The following CDH13 variants were observed in gnomAD, a reference collection of about 807,000 sequenced individuals.
CDH13 encodes cadherin 13, also known as cadherin-13.
A neutral mutation model predicts 63.8 loss-of-function variants in CDH13; 24 were observed. That is an observed-to-expected ratio of 0.38 (90% CI 0.27 to 0.53). CDH13 has a LOEUF of 0.53. Among genes scored for constraint, CDH13 ranks in the 20% least tolerant of loss-of-function variants. The probability of loss-of-function intolerance (pLI) is 0.85; values close to 1 mark genes in which losing one functional copy is unlikely to be tolerated. For synonymous variants in CDH13, 503 were observed against 355.3 expected (o/e 1.42, Z -4.67); for missense variants, 1,049 against 903.1 (o/e 1.16, Z -2.07).
intron 5 of CDH13, among the ~76,000 whole-genome samples, chr16:83,242,442 T>C (rs896073659): frequency 1.3e-5 from 2 of 152,210 alleles, no homozygotes; most frequent in Admixed American, 6.5e-5. Flanking sequence ...AAAGATTTTT[T>C]CCCCAAATTG....
intron 1 of CDH13, among the ~76,000 whole-genome samples, chr16:82,640,210 A>G (rs1909224869): frequency 6.6e-6 from 1 of 152,240 alleles, no homozygotes; most frequent in African/African-American, 2.4e-5. Flanking sequence ...CTCTTGGGAC[A>G]GAGGATTCTT....
intron 10 of CDH13, among the ~76,000 whole-genome samples, chr16:83,732,332 A>T (rs1911119987): frequency 6.6e-6 from 1 of 152,004 alleles, no homozygotes; most frequent in Non-Finnish European, 1.5e-5. Flanking sequence ...CCAAGGGGAG[A>T]GGTGAGGGGG....
intron 2 of CDH13, among the ~76,000 whole-genome samples, chr16:82,995,395 C>T (rs781397664): frequency 3.3e-5 from 5 of 152,296 alleles, no homozygotes; most frequent in Middle Eastern, 3.4e-3. Context: ...TTAATCCATG[C>T]CTTTGAAAGG....
chr16:82,709,340 T>C (rs2031739038), intron 1 of CDH13, among the ~76,000 whole-genome samples: 1 of 152,216 alleles, frequency 6.6e-6, no homozygotes, highest in Non-Finnish European at 1.5e-5. Flanking sequence ...ACAGGAATAA[T>C]TTTTAAGAAA....
At chr16:83,039,367 G>A (rs932064011) in intron 3 of CDH13, among the ~76,000 whole-genome samples, 1 of 152,130 alleles carries the variant, frequency 6.6e-6, no homozygotes, top group Admixed American at 6.5e-5. Context: ...TCATCTCTAA[G>A]TGGCTTGACC....
intron 1 of CDH13, among the ~76,000 whole-genome samples, chr16:82,628,167 A>G (rs572770120): frequency 6.6e-6 from 1 of 152,296 alleles, no homozygotes; most frequent in African/African-American, 2.4e-5. Flanking sequence ...GTGGTTTCGG[A>G]GAGCACCCCG....
intron 2 of CDH13, among the ~76,000 whole-genome samples, chr16:82,915,056 T>C (rs2041944648): frequency 1.3e-5 from 2 of 152,366 alleles, no homozygotes; most frequent in East Asian, 3.9e-4. Context: ...ATCAACTTAA[T>C]ATCCTGTTGC....
chr16:83,190,418 T>G (rs1428052833), intron 4 of CDH13, among the ~76,000 whole-genome samples: 1 of 152,218 alleles, frequency 6.6e-6, no homozygotes, highest in Non-Finnish European at 1.5e-5. Flanking sequence ...GCACTGGAGT[T>G]TCACTTAAAG....
intron 1 of CDH13, among the ~76,000 whole-genome samples, chr16:82,653,909 C>A (rs940916191): frequency 2.0e-5 from 3 of 152,006 alleles, no homozygotes; most frequent in African/African-American, 7.3e-5. Context: ...GGACAGATAC[C>A]ACAGAGATCA....
Position 82,644,681 on chromosome 16 carries a change from G to A in CDH13, c.45+17544G>A, listed in dbSNP as rs559690900. Among the ~76,000 whole-genome samples, 6 of 152,126 alleles carry A rather than the reference G, an allele frequency of 3.9e-5. No homozygotes were observed. The highest frequency in any genetic ancestry group is 8.8e-5 in the Non-Finnish European group (6 of 68,034). On this transcript the variant is annotated intron_variant, in intron 1 of 13. Coordinates refer to ENST00000567109, the MANE Select transcript of CDH13 (RefSeq NM_001257.5). This position sits in a 1 kb window ranked among gnomAD's most constrained non-coding sequence, Gnocchi z 5.7. ...GGGGCAGAAGTCAGGACTTGAACTGGCTCTGGCTGGGACCCAGGCTCCCAG... is the reference window on the plus strand; with the variant it reads ...GGGGCAGAAGTCAGGACTTGAACTGACTCTGGCTGGGACCCAGGCTCCCAG...
intron 2 of CDH13, among the ~76,000 whole-genome samples, chr16:82,996,887 G>A (rs999471066): frequency 6.6e-6 from 1 of 151,914 alleles, no homozygotes; most frequent in Non-Finnish European, 1.5e-5. Context: ...TAGTGATGGT[G>A]ATGCTGATGG....
At chr16:82,694,617 T>C (rs2030033659) in intron 1 of CDH13, among the ~76,000 whole-genome samples, 1 of 152,212 alleles carries the variant, frequency 6.6e-6, no homozygotes, top group Non-Finnish European at 1.5e-5. Flanking sequence ...CTCAGCTTTT[T>C]TGGTGAATTT....
rs118101804 is a variant in CDH13, at chr16:83,389,634, C to G, written c.781+44628C>G. On this transcript the variant is annotated intron_variant, in intron 6 of 13. Transcript: ENST00000567109. ...GTCCCACCTTTTAGACTTATCTGGT[C>G]ACTTCCTTATGGTGTCACATAGCTT... is the stretch of plus-strand genomic sequence containing the variant. Among the ~76,000 whole-genome samples, 564 of 152,338 alleles carry G rather than the reference C, an allele frequency of 3.7e-3. 2 individuals are homozygous for G. Among genetic ancestry groups the G allele is most frequent in the Non-Finnish European group, 6.2e-3 (423 of 68,034 alleles).
chr16:82,711,351 C>G (rs1221449338), intron 1 of CDH13, among the ~76,000 whole-genome samples: 1 of 152,114 alleles, frequency 6.6e-6, no homozygotes, highest in African/African-American at 2.4e-5. Flanking sequence ...GGTTTTAAAC[C>G]TGTGTTCTCC....
intron 11 of CDH13, among the ~76,000 whole-genome samples, chr16:83,773,828 C>T (rs1437368828): frequency 6.6e-6 from 1 of 152,158 alleles, no homozygotes; most frequent in African/African-American, 2.4e-5. Context: ...CCACAGGCTC[C>T]AACACTGTTC....
chr16:83,790,393 T>TTTTTG (rs747676732), intron 13 of CDH13, among the ~76,000 whole-genome samples: 6 of 152,224 alleles, frequency 3.9e-5, no homozygotes, highest in Non-Finnish European at 5.9e-5. Context: ...CTGTCAGTTT[T>TTTTTG]TTTTGTTTTG....
intron 11 of CDH13, among the ~76,000 whole-genome samples, chr16:83,757,306 G>A (rs934447929): frequency 5.3e-5 from 8 of 152,240 alleles, no homozygotes; most frequent in South Asian, 4.1e-4. Context: ...GGCTGGGCAC[G>A]GTGGCTCACT....
At chr16:83,432,973 G>T (rs142216678) in intron 6 of CDH13, among the ~76,000 whole-genome samples, 1 of 152,288 alleles carries the variant, frequency 6.6e-6, no homozygotes, top group African/African-American at 2.4e-5. Flanking sequence ...GAAGCCATGG[G>T]CTAAGGAGTA....
intron 5 of CDH13, among the ~76,000 whole-genome samples, chr16:83,308,828 A>G (rs1433226038): frequency 9.2e-5 from 14 of 152,244 alleles, no homozygotes; most frequent in Admixed American, 9.2e-4. Flanking sequence ...TCTTTGCAGA[A>G]GTTGAAGTTG....
Sources: gnomAD v4.1 joint callset for allele counts (sites outside exome capture counted in the v4.1 genomes callset) on GRCh38, gnomAD v4.1.1 for gene constraint, Gnocchi (gnomAD v3.1) non-coding constraint, MANE v1.5 for transcripts, NCBI Gene and HGNC (gene_info 2026-07-23, HGNC 2026-07-21) for gene names.